COL4A4: variants seen among roughly 807,000 people sequenced by gnomAD.
The protein encoded by COL4A4 is collagen type IV alpha 4 chain.
A neutral mutation model predicts 192.9 loss-of-function variants in COL4A4; 105 were observed. That is an observed-to-expected ratio of 0.54 (90% CI 0.46 to 0.64). The LOEUF is 0.64. Among genes scored for constraint, COL4A4 ranks in the 30% least tolerant of loss-of-function variants. The probability of loss-of-function intolerance (pLI) is 0.00; values close to 1 mark genes in which losing one functional copy is unlikely to be tolerated. For missense variants in COL4A4, 1,967 were observed against 2,169.3 expected (o/e 0.91, Z 1.85); for synonymous variants, 762 against 769.9 (o/e 0.99, Z 0.17).
In COL4A4 at chr2:227,020,880, C is replaced by CTTTTTTTTTTTTTTTTTTT. The variant is rs57119611; in HGVS notation, c.4216+1167_4216+1168insAAAAAAAAAAAAAAAAAAA. 5.5e-5 allele frequency among the ~76,000 whole-genome samples: 7 copies of CTTTTTTTTTTTTTTTTTTT among 127,598 alleles called. 1 individual carries two copies. The highest frequency in any genetic ancestry group is 2.2e-4 in the African/African-American group (7 of 31,574). The allele number at this position is 127,598 out of a possible 152,430, so 83.7% of individuals were successfully genotyped here. ...CAAACCATTCGGAGAACACTTTTTTCTTTTTTTTTTTTTTTTGAGATGGAG... is the reference window on the plus strand; with the variant it reads ...CAAACCATTCGGAGAACACTTTTTTCTTTTTTTTTTTTTTTTTTTTTTTTTTTTTTTTTTTGAGATGGAG... On this transcript the variant is annotated intron_variant, in intron 44 of 47. Transcript: ENST00000396625.
At chr2:227,061,200 A>G (rs1168199797) in intron 26 of COL4A4, among the ~76,000 whole-genome samples, 1 of 152,186 alleles carries the variant, frequency 6.6e-6, no homozygotes, top group African/African-American at 2.4e-5. Context: ...TCCACCCATG[A>G]CCAGTAAAAG....
intron 1 of COL4A4, among the ~76,000 whole-genome samples, chr2:227,148,004 A>T (rs925081224): frequency 6.6e-6 from 1 of 152,134 alleles, no homozygotes; most frequent in Non-Finnish European, 1.5e-5. Flanking sequence ...GTATACAAAC[A>T]TACATTTTTG....
In COL4A4 at chr2:227,129,331, A is replaced by T. The variant is rs187906820; in HGVS notation, c.193-8183T>A. 9.2e-5 allele frequency among the ~76,000 whole-genome samples: 14 copies of T among 151,938 alleles called. No homozygotes were observed. In the East Asian group the frequency reaches 2.5e-3, roughly 27 times the overall value. ...CCCTAAAATAATTAATGACTAAATAACGTCATCACCTATTTTTCATTATTG... is the reference window on the plus strand; with the variant it reads ...CCCTAAAATAATTAATGACTAAATATCGTCATCACCTATTTTTCATTATTG... On this transcript the variant is annotated intron_variant, in intron 4 of 47. Coordinates refer to ENST00000396625, the MANE Select transcript of COL4A4 (RefSeq NM_000092.5).
In COL4A4 at chr2:227,054,588, A is replaced by G. The variant is rs1322565801; in HGVS notation, c.2860+6T>C. 30 of 1,613,912 alleles carry G rather than the reference A, an allele frequency of 1.9e-5. No individual in the cohort carries two copies. Among genetic ancestry groups the G allele is most frequent in the Non-Finnish European group, 2.5e-5 (29 of 1,179,956 alleles). ...AATGCATGTTGCATGGCTGTATTTT[A>G]TTTACCTTTGGCCCCTCTCAGTCCC... On this transcript the variant is annotated splice_donor_region_variant and intron_variant, in intron 31 of 47. Coordinates refer to ENST00000396625, the MANE Select transcript of COL4A4 (RefSeq NM_000092.5).
At chr2:227,147,164 C>T (rs372371731) in intron 2 of COL4A4, 50 of 614,498 alleles carry the variant, frequency 8.1e-5, no homozygotes, top group Middle Eastern at 4.8e-4. Context: ...AGTGAGTAAG[C>T]GAGCAAGAAT....
At chr2:227,007,722 C>T (rs971452192) in intron 47 of COL4A4, 134 bp from the exon 48 acceptor site, 45 of 1,274,528 alleles carry the variant, frequency 3.5e-5, no homozygotes, top group East Asian at 1.5e-4. Context: ...AAAATACAAG[C>T]GCTGAAAAGG....
chr2:227,151,690 G>A (rs1415493716), intron 1 of COL4A4, among the ~76,000 whole-genome samples: 2 of 152,230 alleles, frequency 1.3e-5, no homozygotes, highest in Non-Finnish European at 2.9e-5. Flanking sequence ...GGTATTAAGA[G>A]GTGAGGCATC....
intron 41 of COL4A4, among the ~76,000 whole-genome samples, chr2:227,029,031 G>C (rs13413292): frequency 0.47 from 71,169 of 151,944 alleles, 16,892 homozygotes; most frequent in South Asian, 0.55. Flanking sequence ...AGGTGCCTAA[G>C]AGATATTTGT....
In COL4A4 at chr2:227,007,528, C is replaced by G. The variant is rs539801258; in HGVS notation, c.4870G>C (p.Glu1624Gln). 6.2e-7 allele frequency: 1 copy of G among 1,613,570 alleles called. No individual in the cohort carries two copies. Among genetic ancestry groups the G allele is most frequent in the African/African-American group, 1.3e-5 (1 of 74,914 alleles). ...AGGAATGGTGCTGCTCTGAAATCTT[C>G]CAGGCAGCTGCCAGGTGACATAAGG... ...QALMSPGSCL[E>Q]DFRAAPFLEC... is the part of the protein sequence containing the mutation. The change falls in exon 48 of 48, where the codon GAA becomes CAA. Residue 1624 changes from glutamate (E) to glutamine (Q), a missense_variant. Coordinates refer to ENST00000396625, the MANE Select transcript of COL4A4 (RefSeq NM_000092.5).
intron 44 of COL4A4, among the ~76,000 whole-genome samples, chr2:227,018,413 C>A (rs1343063877): frequency 1.3e-5 from 2 of 152,208 alleles, no homozygotes; most frequent in Non-Finnish European, 2.9e-5. Context: ...ATACCTGTCA[C>A]TCTTTAGTAA....
intron 43 of COL4A4, among the ~76,000 whole-genome samples, chr2:227,023,144 A>G (rs1173525296): frequency 2.0e-5 from 3 of 152,192 alleles, no homozygotes; most frequent in East Asian, 3.9e-4. Context: ...TGGGAATCTC[A>G]CTTTGAAAAA....
intron 4 of COL4A4, among the ~76,000 whole-genome samples, chr2:227,126,763 T>C (rs1219811509): frequency 6.6e-6 from 1 of 152,232 alleles, no homozygotes; most frequent in Non-Finnish European, 1.5e-5. Context: ...AGTCATTTGT[T>C]AGTTCACCTA....
intron 37 of COL4A4, among the ~76,000 whole-genome samples, chr2:227,041,846 A>G (rs201305239): frequency 0.018 from 680 of 38,662 alleles, 26 homozygotes; most frequent in Admixed American, 0.025. Flanking sequence ...GAAAGAAAGA[A>G]AGAGAAAGAA....
intron 38 of COL4A4, 42 bp downstream of exon 38, chr2:227,033,368 T>C (rs750508217): frequency 6.7e-7 from 1 of 1,498,852 alleles, no homozygotes; most frequent in Non-Finnish European, 9.3e-7. Flanking sequence ...TCATGAACCA[T>C]GGACTGAAGC....
chr2:226,982,081 G>A, the COL4A4 span, among the ~76,000 whole-genome samples: 11 of 152,136 alleles, frequency 7.2e-5, no homozygotes, highest in South Asian at 4.2e-4. Context: ...ACTTCCCCCC[G>A]CCCTCTTTTC....
chr2:227,116,425 C>T (rs1321916334), intron 7 of COL4A4, among the ~76,000 whole-genome samples: 2 of 152,082 alleles, frequency 1.3e-5, no homozygotes, highest in Non-Finnish European at 2.9e-5. Flanking sequence ...TGTGATTGGC[C>T]CCTGCACACG....
rs557114682 is a variant in COL4A4, at chr2:227,012,175, C to T, written c.4333+6G>A. The stretch of plus-strand genomic sequence containing the variant: ...TCAGAGAAAAGAGGAGTGACTGAAA[C>T]TCTACCTGGTCCTCCAGGGTAGCCG... On this transcript the variant is annotated splice_donor_region_variant and intron_variant, in intron 45 of 47. Coordinates refer to ENST00000396625, the MANE Select transcript of COL4A4 (RefSeq NM_000092.5). The T allele has an allele frequency of 6.2e-7, 1 of 1,604,934 alleles. No homozygotes were observed. The highest frequency in any genetic ancestry group is 2.2e-5 in the East Asian group (1 of 44,854).
At chr2:226,976,569 C>T in the COL4A4 span, among the ~76,000 whole-genome samples, 1 of 152,184 alleles carries the variant, frequency 6.6e-6, no homozygotes, top group Non-Finnish European at 1.5e-5. Context: ...AGAATGCACA[C>T]AGTTCCGTGT....
Position 227,138,237 on chromosome 2 carries a change from G to A in COL4A4, c.192+1924C>T, listed in dbSNP as rs535648396. Reference sequence around the variant, plus strand: ...GGAGGTGGAGGTGGGAGGCTCACTTGAGCCCAAGAGTTTGAGGTTGCAGTG... The same window carrying A: ...GGAGGTGGAGGTGGGAGGCTCACTTAAGCCCAAGAGTTTGAGGTTGCAGTG... On this transcript the variant is annotated intron_variant, in intron 4 of 47. Transcript: ENST00000396625. Among the ~76,000 whole-genome samples the A allele has an allele frequency of 1.3e-4, 20 of 152,230 alleles. 1 individual carries two copies. The East Asian group carries it at 2.9e-3, about 22-fold the overall frequency.
Sources: gnomAD v4.1 joint callset for allele counts (sites outside exome capture counted in the v4.1 genomes callset) on GRCh38, gnomAD v4.1.1 for gene constraint, MANE v1.5 for transcripts, NCBI Gene and HGNC (gene_info 2026-07-23, HGNC 2026-07-21) for gene names.